Variants in PNPLA8 observed in about 807,000 individuals in gnomAD.
PNPLA8 encodes the protein calcium-independent phospholipase A2-gamma.
A neutral mutation model predicts 76.9 loss-of-function variants in PNPLA8; 39 were observed. The observed-to-expected ratio is 0.51, with a 90% CI of 0.39 to 0.66. The LOEUF (loss-of-function observed/expected upper bound fraction) is 0.66. Ranked by LOEUF, PNPLA8 falls within the 30% of genes least tolerant of loss-of-function variation. The pLI is 0.00. For synonymous variants in PNPLA8, 301 were observed against 307.9 expected (o/e 0.98, Z 0.24); for missense variants, 887 against 918.0 (o/e 0.97, Z 0.44).
chr7:108,515,431 A>G lies in PNPLA8; in HGVS notation c.61T>C (p.Cys21Arg), dbSNP rs1356466844. ...AGTTGCTTGCTTCTCTGCTTCCCAC[A>G]AACACTTCTTGCATTACTAAGGAGG... ...IYLLSNARSVCGKQRSKQLYF... is the reference protein window; with the variant it reads ...IYLLSNARSVRGKQRSKQLYF... Residue 21 changes from cysteine to arginine, a missense_variant, in exon 3 of 11, where the codon TGT becomes CGT. Coordinates refer to ENST00000257694, the MANE Select transcript of PNPLA8 (RefSeq NM_001256007.3). 4.4e-6 allele frequency: 7 copies of G among 1,607,166 alleles called. No homozygotes were observed. The highest frequency in any genetic ancestry group is 5.9e-6 in the Non-Finnish European group (7 of 1,177,152).
chr7:108,491,587 A>G (rs1861172421), intron 7 of PNPLA8, 120 bp from the exon 8 acceptor site: 1 of 675,276 alleles, frequency 1.5e-6, no homozygotes, highest in Admixed American at 2.3e-5. Flanking sequence ...ATGAAGGAAA[A>G]CATGTAAGAC....
intron 4 of PNPLA8, among the ~76,000 whole-genome samples, chr7:108,503,048 TA>T (rs1393098572): frequency 6.6e-6 from 1 of 152,180 alleles, no homozygotes; most frequent in Non-Finnish European, 1.5e-5. Context: ...TAAAAAGAAA[TA>T]ATGAACCATC....
At position 108,470,864 on chromosome 7, in the gene PNPLA8, A is replaced by G. The variant is rs578047462; in HGVS notation, c.*1537T>C. The G allele has an allele frequency of 3.8e-4, 58 of 152,312 alleles. No individual in the cohort carries two copies. The highest frequency in any genetic ancestry group is 1.3e-3 in the African/African-American group (56 of 41,574). 9.4% of individuals were successfully genotyped at this position (152,312 alleles called of 1,614,324 possible). ...AGACATTTGCCTTCCTCAAGGTAAC[A>G]AACAGAAGGGTTCTTGCAGCAAAGG... On this transcript the variant is annotated 3_prime_UTR_variant, in exon 11 of 11. Transcript: ENST00000257694.
intron 7 of PNPLA8, among the ~76,000 whole-genome samples, chr7:108,494,489 T>C (rs961818286): frequency 1.3e-5 from 2 of 152,192 alleles, no homozygotes; most frequent in African/African-American, 2.4e-5. Flanking sequence ...TTGTGTTAGG[T>C]TGCTTATTCT....
At position 108,471,908 on chromosome 7, in the gene PNPLA8, T is replaced by C. The variant is rs1463042690; in HGVS notation, c.*493A>G. 2 of 152,210 alleles carry C rather than the reference T, an allele frequency of 1.3e-5. No homozygotes were observed. The highest frequency in any genetic ancestry group is 4.8e-5 in the African/African-American group (2 of 41,448). The allele number at this position is 152,210 out of a possible 1,614,324, so 9.4% of individuals were successfully genotyped here. On this transcript the variant is annotated 3_prime_UTR_variant, in exon 11 of 11. Transcript: ENST00000257694. ...TTCCATTTTTCTGCATCTATTTAGA[T>C]GATATTACAATAAAAGGCAGTGTGG...
At chr7:108,500,863 G>T (rs1025559496) in intron 5 of PNPLA8, among the ~76,000 whole-genome samples, 14 of 151,800 alleles carry the variant, frequency 9.2e-5, no homozygotes. Context: ...GCAGTGAGCC[G>T]AGATCACGTC....
chr7:108,513,927 T>C (rs533082053), intron 4 of PNPLA8, among the ~76,000 whole-genome samples: 7 of 152,244 alleles, frequency 4.6e-5, no homozygotes, highest in Non-Finnish European at 8.8e-5. Context: ...AAATGTTTAA[T>C]TTCAAAGTAT....
At chr7:108,522,808 C>T (rs147240487) in intron 1 of PNPLA8, among the ~76,000 whole-genome samples, 1 of 152,250 alleles carries the variant, frequency 6.6e-6, no homozygotes, top group Non-Finnish European at 1.5e-5. Flanking sequence ...CATTAAAATA[C>T]AGTACAAAAG....
chr7:108,491,487 A>T lies in PNPLA8; in HGVS notation c.1626-20T>A, dbSNP rs747978656. On this transcript the variant is annotated intron_variant, in intron 7 of 10. Transcript: ENST00000257694. ...CTATCCCTTTATTAAAGGAGAAAAA[A>T]ATAAGTTATATCAAAATGACTTTAT... 1 of 1,487,246 alleles carries T rather than the reference A, an allele frequency of 6.7e-7. No homozygotes were observed. The highest frequency in any genetic ancestry group is 1.7e-5 in the Admixed American group (1 of 59,362). The allele number at this position is 1,487,246 out of a possible 1,614,324, so 92.1% of individuals were successfully genotyped here.
intron 4 of PNPLA8, among the ~76,000 whole-genome samples, chr7:108,503,775 C>T (rs1046469652): frequency 6.6e-6 from 1 of 151,886 alleles, no homozygotes; most frequent in East Asian, 1.9e-4. Flanking sequence ...AAGTAAAGGA[C>T]CAAAAAAGTG....
intron 8 of PNPLA8, among the ~76,000 whole-genome samples, chr7:108,490,377 C>CAGGT (rs1181427463): frequency 1.3e-5 from 2 of 151,572 alleles, no homozygotes; most frequent in African/African-American, 2.4e-5. Flanking sequence ...CTCTATAATA[C>CAGGT]TTGCACAATG....
chr7:108,501,371 A>C (rs1861936020), intron 5 of PNPLA8, among the ~76,000 whole-genome samples: 1 of 152,260 alleles, frequency 6.6e-6, no homozygotes, highest in Admixed American at 6.5e-5. Context: ...TAGTGAAATT[A>C]TCTCCTTCTG....
At chr7:108,490,276 T>C (rs1861048838) in intron 8 of PNPLA8, among the ~76,000 whole-genome samples, 2 of 152,204 alleles carry the variant, frequency 1.3e-5, no homozygotes, top group Admixed American at 6.5e-5. Flanking sequence ...AAGTACACTC[T>C]ATAACACAGG....
chr7:108,514,557 T>C lies in PNPLA8; in HGVS notation c.935A>G (p.Lys312Arg), dbSNP rs745312087. 75 of 1,613,950 alleles carry C rather than the reference T, an allele frequency of 4.6e-5. No homozygotes were observed. The highest frequency in any genetic ancestry group is 5.8e-5 in the Non-Finnish European group (69 of 1,179,944). ...CTGACTCTTTGAATCATACTTTAAT[T>C]TGGGGACAAGTCCACCAATATAACC... ...VGGYIGGLVP[K>R]LKYDSKSQSE... Residue 312 changes from lysine to arginine, a missense_variant, in exon 3 of 11, where the codon AAA (lysine) becomes AGA (arginine). Lys to Arg is a conservative substitution (Grantham distance 26, BLOSUM62 2). Transcript: ENST00000257694.
At chr7:108,506,374 T>C (rs1228187267) in intron 4 of PNPLA8, among the ~76,000 whole-genome samples, 2 of 149,140 alleles carry the variant, frequency 1.3e-5, no homozygotes, top group East Asian at 2.0e-4. Flanking sequence ...CGACACTCAG[T>C]CTCAAAAAAA....
intron 7 of PNPLA8, 90 bp from the exon 8 acceptor site, chr7:108,491,557 C>T (rs1861170489): frequency 1.2e-6 from 1 of 837,144 alleles, no homozygotes; most frequent in Admixed American, 1.9e-5. Flanking sequence ...ACTATTTGTC[C>T]ATGGCTTTGT....
At position 108,479,360 on chromosome 7, in the gene PNPLA8, T is replaced by A; in HGVS notation, c.1898A>T (p.Asn633Ile). 6.2e-7 allele frequency: 1 copy of A among 1,611,266 alleles called. No homozygotes were observed. Among genetic ancestry groups the A allele is most frequent in the Non-Finnish European group, 8.5e-7 (1 of 1,178,698 alleles). The change falls in exon 10 of 11, where the codon AAT becomes ATT. Residue 633 changes from asparagine (N) to isoleucine (I), a missense_variant. Transcript: ENST00000257694. ...DLHQDGGLLLNNPSALAMHEC... is the reference protein window; with the variant it reads ...DLHQDGGLLLINPSALAMHEC... Reference sequence around the variant, plus strand: ...ATGCATAGCTAATGCCGAAGGGTTATTCAGAAGCAAACCTCCATCCTGCAA... The same window carrying A: ...ATGCATAGCTAATGCCGAAGGGTTAATCAGAAGCAAACCTCCATCCTGCAA...
chr7:108,516,536 G>T (rs1863354527), intron 2 of PNPLA8, among the ~76,000 whole-genome samples: 1 of 152,178 alleles, frequency 6.6e-6, no homozygotes, highest in Non-Finnish European at 1.5e-5. Flanking sequence ...CCTTAGGAAT[G>T]GCAATGACTT....
At chr7:108,481,416 T>A (rs1207994913) in intron 9 of PNPLA8, among the ~76,000 whole-genome samples, 1 of 152,232 alleles carries the variant, frequency 6.6e-6, no homozygotes, top group Non-Finnish European at 1.5e-5. Flanking sequence ...AGATATGTGG[T>A]GGCATTTCAT....
Sources: allele counts gnomAD v4.1 joint callset (sites outside exome capture counted in the v4.1 genomes callset), GRCh38; gene constraint gnomAD v4.1.1; transcripts MANE v1.5; gene names NCBI Gene and HGNC (gene_info 2026-07-23, HGNC 2026-07-21).